SMIM36: variants seen among roughly 807,000 people sequenced by gnomAD.
SMIM36 encodes the protein small integral membrane protein 36.
chr17:55,495,591 A>C (rs1404616654), intron 1 of SMIM36, among the ~76,000 whole-genome samples: 3 of 151,876 alleles, frequency 2.0e-5, no homozygotes, highest in Non-Finnish European at 4.4e-5. Flanking sequence ...AGTTTGAGAC[A>C]AGCCTGGGCA....
intron 1 of SMIM36, among the ~76,000 whole-genome samples, chr17:55,496,802 G>A (rs1414306717): frequency 6.6e-6 from 1 of 152,160 alleles, no homozygotes; most frequent in African/African-American, 2.4e-5. Context: ...TGCTCTGCAT[G>A]GATTCTGGGC....
intron 1 of SMIM36, among the ~76,000 whole-genome samples, chr17:55,508,022 A>G (rs1030869897): frequency 3.3e-5 from 5 of 152,092 alleles, no homozygotes; most frequent in African/African-American, 4.8e-5. Flanking sequence ...AGCCTAAGGG[A>G]CCCCTCTGGC....
At chr17:55,530,287 G>T in the SMIM36 span, among the ~76,000 whole-genome samples, 1 of 152,192 alleles carries the variant, frequency 6.6e-6, no homozygotes, top group Admixed American at 6.5e-5. Flanking sequence ...CCAGCCCAGG[G>T]ATGTGAAAAC....
chr17:55,453,175 G>T (rs978262980), intron 4 of SMIM36, among the ~76,000 whole-genome samples: 6 of 152,136 alleles, frequency 3.9e-5, no homozygotes, highest in African/African-American at 1.2e-4. Context: ...AATTAGCCAG[G>T]CCTGGTGGTA....
the SMIM36 span, among the ~76,000 whole-genome samples, chr17:55,524,744 A>T: frequency 6.6e-6 from 1 of 152,176 alleles, no homozygotes; most frequent in Non-Finnish European, 1.5e-5. Flanking sequence ...ATTACTAGTA[A>T]CAATTGTATA....
At chr17:55,459,776 C>T (rs562131613) in intron 4 of SMIM36, among the ~76,000 whole-genome samples, 10 of 152,094 alleles carry the variant, frequency 6.6e-5, no homozygotes, top group South Asian at 2.1e-4. Context: ...GCAGGAGGCG[C>T]GCTTGAGCCC....
In SMIM36 at chr17:55,451,079, G is replaced by C. The variant is rs141263398; in HGVS notation, c.*532-781C>G. Among the ~76,000 whole-genome samples the C allele has an allele frequency of 8.5e-5, 13 of 152,186 alleles. No individual in the cohort carries two copies. In the East Asian group the frequency reaches 2.5e-3, roughly 29 times the overall value. ...TTTTTGTATTTTTAGTAGATATGGG[G>C]TTTCACCATGTTGGTCAGGCTGGTC... On this transcript the variant is annotated intron_variant, in intron 4 of 4. Transcript: ENST00000636752.
intron 1 of SMIM36, among the ~76,000 whole-genome samples, 171 bp downstream of exon 1, chr17:55,510,708 T>C (rs1423366546): frequency 7.5e-6 from 1 of 132,976 alleles, no homozygotes; most frequent in Non-Finnish European, 1.5e-5. Flanking sequence ...CACGTGCACG[T>C]GCACACACAC....
the SMIM36 span, among the ~76,000 whole-genome samples, chr17:55,530,329 G>A: frequency 6.6e-6 from 1 of 152,188 alleles, no homozygotes; most frequent in Non-Finnish European, 1.5e-5. Context: ...TCAGAATGAT[G>A]TGGACTTCAC....
intron 1 of SMIM36, among the ~76,000 whole-genome samples, chr17:55,489,545 T>C (rs1393066080): frequency 6.6e-6 from 1 of 152,260 alleles, no homozygotes; most frequent in Admixed American, 6.5e-5. Flanking sequence ...AGTGTGTGAA[T>C]GTACTCTTTT....
intron 1 of SMIM36, among the ~76,000 whole-genome samples, chr17:55,499,149 A>T (rs531657653): frequency 6.6e-6 from 1 of 152,106 alleles, no homozygotes; most frequent in African/African-American, 2.4e-5. Context: ...TTGGAATATT[A>T]GGAGATGTTC....
intron 1 of SMIM36, among the ~76,000 whole-genome samples, chr17:55,480,983 C>T (rs964562561): frequency 6.6e-6 from 1 of 152,094 alleles, no homozygotes; most frequent in East Asian, 1.9e-4. Flanking sequence ...TAGTAAAAAA[C>T]TAGAAGGGAA....
At chr17:55,521,857 C>CTT in the SMIM36 span, among the ~76,000 whole-genome samples, 42,522 of 141,042 alleles carry the variant, frequency 0.3, 7,510 homozygotes, top group Middle Eastern at 0.42. Context: ...ACCGCTTTGA[C>CTT]TTTTTTTTTT....
chr17:55,451,895 G>A (rs1025756174), intron 4 of SMIM36, among the ~76,000 whole-genome samples: 2 of 151,988 alleles, frequency 1.3e-5, no homozygotes, highest in Non-Finnish European at 1.5e-5. Flanking sequence ...CCAGGAGTTC[G>A]AGACCAGTCT....
chr17:55,530,553 G>A, the SMIM36 span, among the ~76,000 whole-genome samples: 3 of 152,222 alleles, frequency 2.0e-5, no homozygotes, highest in African/African-American at 7.2e-5. Context: ...GGGAGGCCAA[G>A]GCAGGCGGAT....
At chr17:55,464,274 C>T (rs530829746) in intron 4 of SMIM36, among the ~76,000 whole-genome samples, 14 of 152,264 alleles carry the variant, frequency 9.2e-5, no homozygotes, top group East Asian at 1.9e-4. Context: ...ATTGATTCCA[C>T]GTGGAGCCCT....
chr17:55,494,198 C>T (rs555943955), intron 1 of SMIM36, among the ~76,000 whole-genome samples: 4 of 152,088 alleles, frequency 2.6e-5, no homozygotes, highest in African/African-American at 7.2e-5. Context: ...TTGGGTGCTG[C>T]GGGGAGGTGA....
chr17:55,512,585 C>A (rs1027463247), upstream of SMIM36, among the ~76,000 whole-genome samples: 4 of 152,362 alleles, frequency 2.6e-5, no homozygotes, highest in African/African-American at 9.6e-5. Flanking sequence ...GTAGCCTGGT[C>A]CCAATAGTCC....
chr17:55,456,050 G>A (rs1022619963), intron 4 of SMIM36, among the ~76,000 whole-genome samples: 11 of 147,520 alleles, frequency 7.5e-5, no homozygotes, highest in African/African-American at 2.8e-4. Flanking sequence ...CCCAGGAGGC[G>A]GAGGTTGCAG....
Sources: gnomAD v4.1 joint callset for allele counts (sites outside exome capture counted in the v4.1 genomes callset) on GRCh38, gnomAD v4.1.1 for gene constraint, MANE v1.5 for transcripts, NCBI Gene and HGNC (gene_info 2026-07-23, HGNC 2026-07-21) for gene names.